CA6: variants seen among roughly 807,000 people sequenced by gnomAD.
The protein encoded by CA6 is carbonate dehydratase VI.
A neutral mutation model predicts 35.9 loss-of-function variants in CA6; 28 were observed. That is an observed-to-expected ratio of 0.78 (90% CI 0.58 to 1.07). CA6 has a LOEUF of 1.07. Ranked by LOEUF, CA6 falls within the 50% of genes least tolerant of loss-of-function variation. The pLI is 0.00. For missense variants in CA6, 377 were observed against 382.0 expected, an observed-to-expected ratio of 0.99 and a Z score of 0.11; for synonymous variants, 148 against 152.6, an observed-to-expected ratio of 0.97 and a Z score of 0.22.
intron 2 of CA6, 67 bp downstream of exon 2, chr1:8,949,509 T>C: frequency 7.4e-7 from 1 of 1,351,412 alleles, no homozygotes; most frequent in Non-Finnish European, 1.0e-6. Flanking sequence ...AGGTTACACG[T>C]GTCCCTGCCA....
At chr1:8,961,559 G>A (rs960303133) in intron 4 of CA6, among the ~76,000 whole-genome samples, 2 of 152,132 alleles carry the variant, frequency 1.3e-5, no homozygotes, top group Non-Finnish European at 2.9e-5. Flanking sequence ...AACTAAAAAT[G>A]ATTAAATGGT....
chr1:8,962,475 C>T, intron 4 of CA6, 112 bp from the exon 5 acceptor site: 2 of 877,412 alleles, frequency 2.3e-6, no homozygotes, highest in South Asian at 1.4e-5. Flanking sequence ...GGCTGCCTCT[C>T]CTTACTCTCT....
intron 3 of CA6, 112 bp from the exon 4 acceptor site, chr1:8,958,798 C>T (rs1452870898): frequency 6.6e-6 from 4 of 607,446 alleles, no homozygotes; most frequent in Non-Finnish European, 1.2e-5. Context: ...TTGTGTGGAA[C>T]AGTCTGAGGC....
At chr1:8,957,530 G>C (rs900167141) in intron 3 of CA6, among the ~76,000 whole-genome samples, 1 of 152,042 alleles carries the variant, frequency 6.6e-6, no homozygotes, top group Non-Finnish European at 1.5e-5. Context: ...TAGTAGAGAC[G>C]GGATTTCACC....
chr1:8,972,614 C>T (rs1640138934), intron 7 of CA6, among the ~76,000 whole-genome samples: 1 of 152,024 alleles, frequency 6.6e-6, no homozygotes, highest in African/African-American at 2.4e-5. Context: ...ACCCGGGAGG[C>T]GGAGCTTGCA....
chr1:8,966,172 T>C (rs150916758), intron 5 of CA6, among the ~76,000 whole-genome samples: 9,007 of 152,186 alleles, frequency 0.059, 556 homozygotes, highest in African/African-American at 0.15. Flanking sequence ...TGCAGTGCCT[T>C]GATCTCGGCT....
Position 8,945,908 on chromosome 1 carries a change from C to T in CA6, c.22C>T (p.Leu8=), listed in dbSNP as rs764287964. Residue 8 remains leucine, a synonymous_variant, in exon 1 of 8, where the codon CTG becomes TTG. Transcript: ENST00000377443. MRALVLL[L]SLFLLGGQAQ... ...CACCATGAGGGCCCTGGTGCTTCTG[C>T]TGTCCCTGTTCCTGCTGGGTGGCCA... The T allele has an allele frequency of 3.1e-6, 5 of 1,613,436 alleles. No homozygotes were observed. The highest frequency in any genetic ancestry group is 1.1e-5 in the South Asian group (1 of 91,072).
At chr1:8,962,437 T>G (rs750926805) in intron 4 of CA6, 150 bp from the exon 5 acceptor site, 83 of 654,214 alleles carry the variant, frequency 1.3e-4, no homozygotes, top group Non-Finnish European at 2.1e-4. Context: ...ACAGCCAGAC[T>G]GTCTCTGCCA....
At chr1:8,959,910 C>A (rs1569694243) in intron 4 of CA6, among the ~76,000 whole-genome samples, 1 of 100,468 alleles carries the variant, frequency 1.0e-5, no homozygotes, top group African/African-American at 4.3e-5. Flanking sequence ...CCAGCGTGGG[C>A]AATAAAGCTA....
At chr1:8,967,877 C>G in intron 6 of CA6, 61 bp downstream of exon 6, 2 of 1,518,848 alleles carry the variant, frequency 1.3e-6, no homozygotes, top group South Asian at 2.4e-5. Context: ...AACAAGGGTT[C>G]TCCCCAGCAT....
chr1:8,974,772 C>T lies in CA6; in HGVS notation c.*68C>T. ...TGACCTAGCCAGAAGTGCCTGTCCG[C>T]TGCAGCCGCACCCTACCTTGTCTAA... On this transcript the variant is annotated 3_prime_UTR_variant, in exon 8 of 8. Transcript: ENST00000377443. The T allele has an allele frequency of 1.1e-6, 1 of 872,200 alleles. No individual in the cohort carries two copies. Among genetic ancestry groups the T allele is most frequent in the Non-Finnish European group, 1.8e-6 (1 of 564,340 alleles). 54.0% of individuals were successfully genotyped at this position (872,200 alleles called of 1,614,324 possible).
chr1:8,959,014 C>A lies in CA6; in HGVS notation c.501+12C>A, dbSNP rs202225171. The A allele has an allele frequency of 2.0e-6, 3 of 1,531,288 alleles. No homozygotes were observed. The highest frequency in any genetic ancestry group is 2.2e-5 in the East Asian group (1 of 44,466). 94.9% of individuals were successfully genotyped at this position (1,531,288 alleles called of 1,614,324 possible). A position where few individuals can be genotyped will look rare whatever the true frequency, so the allele number is the denominator to read the frequency against. On this transcript the variant is annotated intron_variant, in intron 4 of 7. Transcript: ENST00000377443. ...CAGCCTTCGTTGAGGTAAGCAGAAA[C>A]TACCCATGTGTGTCTGTATTTGAAG...
intron 2 of CA6, among the ~76,000 whole-genome samples, chr1:8,950,278 C>G (rs1206921782): frequency 6.6e-6 from 1 of 152,098 alleles, no homozygotes; most frequent in African/African-American, 2.4e-5. Flanking sequence ...GCCACCATGC[C>G]CGGCCTGGAA....
chr1:8,967,070 G>C (rs190293210), intron 5 of CA6, among the ~76,000 whole-genome samples: 1 of 152,054 alleles, frequency 6.6e-6, no homozygotes, highest in African/African-American at 2.4e-5. Flanking sequence ...CAATCCTCCC[G>C]CCTTGGCCTC....
At position 8,967,768 on chromosome 1, in the gene CA6, C is replaced by G. The variant is rs12082594; in HGVS notation, c.681C>G (p.Asn227Lys). ...TCACCACGCCTCCCTGCACTGAGAACGTCCACTGGTTTGTGCTGGCAGATT... is the reference window on the plus strand; with the variant it reads ...TCACCACGCCTCCCTGCACTGAGAAGGTCCACTGGTTTGTGCTGGCAGATT... ...GSLTTPPCTE[N>K]VHWFVLADFV... Residue 227 changes from asparagine (N) to lysine (K), a missense_variant, in exon 6 of 8, where the codon AAC becomes AAG. Asn to Lys is a moderately conservative substitution (Grantham distance 94). Transcript: ENST00000377443. The G allele has an allele frequency of 1.9e-6, 3 of 1,614,018 alleles. No individual in the cohort carries two copies. The highest frequency in any genetic ancestry group is 3.3e-5 in the Admixed American group (2 of 59,994).
rs935941592 is a variant in CA6 at position 8,963,743 on chromosome 1, T to C, written c.571+1087T>C. Among the ~76,000 whole-genome samples, 3 of 152,178 alleles carry C rather than the reference T, an allele frequency of 2.0e-5. No homozygotes were observed. Among genetic ancestry groups the C allele is most frequent in the African/African-American group, 7.2e-5 (3 of 41,440 alleles). On this transcript the variant is annotated intron_variant, in intron 5 of 7. Transcript: ENST00000377443. This position sits in a 1 kb window ranked among gnomAD's most constrained non-coding sequence, Gnocchi z 4.1. ...TTTCAGTAGAGACAGGGTCTCACCA[T>C]GTTCTCAGGCTGGTCTTGAACTCCT...
intron 1 of CA6, 64 bp downstream of exon 1, chr1:8,946,029 CCTTCTT>C: frequency 2.0e-6 from 2 of 997,726 alleles, no homozygotes; most frequent in Non-Finnish European, 3.1e-6. Flanking sequence ...GGACAAGTGC[CCTTCTT>C]CTTCTTCTTT....
At chr1:8,968,954 G>T (rs1640039727) in intron 6 of CA6, among the ~76,000 whole-genome samples, 1 of 151,770 alleles carries the variant, frequency 6.6e-6, no homozygotes, top group Non-Finnish European at 1.5e-5. Context: ...GGACGTGGAG[G>T]TTGCAGTGAG....
At chr1:8,946,106 T>C (rs1010149537) in intron 1 of CA6, 141 bp downstream of exon 1, 4 of 603,926 alleles carry the variant, frequency 6.6e-6, no homozygotes, top group African/African-American at 3.8e-5. Context: ...AGTGTGATGT[T>C]GGCTCACTGC....
Sources: allele counts gnomAD v4.1 joint callset (sites outside exome capture counted in the v4.1 genomes callset), GRCh38; gene constraint gnomAD v4.1.1; non-coding constraint Gnocchi (gnomAD v3.1); transcripts MANE v1.5; gene names NCBI Gene and HGNC (gene_info 2026-07-23, HGNC 2026-07-21).